SETMAR: variants seen among roughly 807,000 people sequenced by gnomAD.
SETMAR encodes SET and mariner transposase domain methyltransferase.
In SETMAR, 44 loss-of-function variants were observed where a neutral mutation model predicts 58.4. The observed-to-expected ratio is 0.75, with a 90% CI of 0.59 to 0.97. SETMAR has a LOEUF of 0.97. SETMAR is among the 50% of genes least tolerant of loss of function. SETMAR has a pLI of 0.00. For missense variants in SETMAR, 903 were observed against 840.2 expected, an observed-to-expected ratio of 1.07 and a Z score of -0.92; for synonymous variants, 332 against 307.4, an observed-to-expected ratio of 1.08 and a Z score of -0.84.
chr3:4,304,770 A>G (rs1218182300), intron 1 of SETMAR, among the ~76,000 whole-genome samples: 3 of 152,180 alleles, frequency 2.0e-5, no homozygotes, highest in Non-Finnish European at 4.4e-5. Context: ...ATCAAACTCT[A>G]AAATATTTGA....
chr3:4,303,825 C>G (rs1559211216), intron 1 of SETMAR: 1 of 1,362,952 alleles, frequency 7.3e-7, no homozygotes, highest in South Asian at 1.2e-5. Flanking sequence ...GGAGGCATCA[C>G]GGGGGGAGTC....
chr3:4,310,002 C>T (rs1457817291), intron 1 of SETMAR, among the ~76,000 whole-genome samples: 1 of 152,174 alleles, frequency 6.6e-6, no homozygotes, highest in Non-Finnish European at 1.5e-5. Context: ...TGATAATGCC[C>T]TATCACTCCT....
intron 1 of SETMAR, 118 bp from the exon 2 acceptor site, chr3:4,312,780 G>A: frequency 1.7e-6 from 2 of 1,203,008 alleles, no homozygotes; most frequent in East Asian, 2.4e-5. Context: ...TGTTTTGACA[G>A]TTTTGTCCTG....
chr3:4,316,672 C>G lies in SETMAR; in HGVS notation c.1481C>G (p.Thr494Arg). Residue 494 changes from threonine to arginine, a missense_variant, in exon 3 of 3, where the codon ACG becomes AGG. Thr to Arg is a moderately conservative substitution (Grantham distance 71, BLOSUM62 -1). Coordinates refer to ENST00000358065, the MANE Select transcript of SETMAR (RefSeq NM_006515.4). ...GAACCATTTCTCGATCGGATTGTGA[C>G]GTGTGATGAAAAGTGGATTTTATAT... Reference protein sequence around the residue: ...HNEPFLDRIVTCDEKWILYDN... With the variant: ...HNEPFLDRIVRCDEKWILYDN... 1 of 1,551,072 alleles carries G rather than the reference C, an allele frequency of 6.4e-7. No homozygotes were observed. The highest frequency in any genetic ancestry group is 8.7e-7 in the Non-Finnish European group (1 of 1,146,764).
intron 1 of SETMAR, among the ~76,000 whole-genome samples, chr3:4,310,593 C>G (rs1161309138): frequency 1.3e-5 from 2 of 152,148 alleles, no homozygotes; most frequent in Non-Finnish European, 2.9e-5. Flanking sequence ...TAGCTACTGT[C>G]TATAAGTCCC....
chr3:4,314,287 C>G (rs1482757002), intron 2 of SETMAR: 3 of 154,652 alleles, frequency 1.9e-5, no homozygotes, highest in African/African-American at 7.2e-5. Flanking sequence ...TGTAAGTTTT[C>G]TAGCACTAAC....
At chr3:4,313,880 T>C (rs763277172) in intron 2 of SETMAR, 119 bp downstream of exon 2, 81 of 1,519,286 alleles carry the variant, frequency 5.3e-5, no homozygotes, top group Non-Finnish European at 6.4e-5. Flanking sequence ...AGACTGCAAG[T>C]TGTCCATCAG....
In SETMAR at chr3:4,316,315, C is replaced by A; in HGVS notation, c.1124C>A (p.Ala375Glu). Residue 375 changes from alanine to glutamate, a missense_variant, in exon 3 of 3, where the codon GCA (alanine) becomes GAA (glutamate). Transcript: ENST00000358065. ...GAAACAACTCGCAACATCAACAATG[C>A]ATTTGGCCCAGGAACTGCTAACGAA... ...AAETTRNINN[A>E]FGPGTANERT... The A allele has an allele frequency of 8.5e-7, 1 of 1,172,566 alleles. No individual in the cohort carries two copies. The highest frequency in any genetic ancestry group is 1.2e-6 in the Non-Finnish European group (1 of 813,480). 72.6% of individuals were successfully genotyped at this position (1,172,566 alleles called of 1,614,324 possible).
In SETMAR at chr3:4,307,410, G is replaced by A. The variant is rs549716946; in HGVS notation, c.156+3884G>A. Among the ~76,000 whole-genome samples the A allele has an allele frequency of 1.0e-3, 159 of 152,242 alleles. 1 individual carries two copies. Among genetic ancestry groups the A allele is most frequent in the African/African-American group, 3.5e-3 (147 of 41,546 alleles). ...TTTTCCCTGAGACACGTATCTGTTAGAAAGGTAAGACCTACACATTTAACA... is the reference window on the plus strand; with the variant it reads ...TTTTCCCTGAGACACGTATCTGTTAAAAAGGTAAGACCTACACATTTAACA... On this transcript the variant is annotated intron_variant, in intron 1 of 2. Transcript: ENST00000358065.
In SETMAR at chr3:4,316,226, G is replaced by C. The variant is rs1407729389; in HGVS notation, c.1035G>C (p.Met345Ile). 11 of 712,158 alleles carry C rather than the reference G, an allele frequency of 1.5e-5. No homozygotes were observed. The allele number at this position is 712,158 out of a possible 1,614,324, so 44.1% of individuals were successfully genotyped here. ...GTTTATTTTAGACTATGAAAATGATGTTAGACAAAAAGCAAATTCGAGCAA... is the reference window on the plus strand; with the variant it reads ...GTTTATTTTAGACTATGAAAATGATCTTAGACAAAAAGCAAATTCGAGCAA... ...KRLTLETMKM[M>I]LDKKQIRAIF... Residue 345 changes from methionine (M) to isoleucine (I), a missense_variant, in exon 3 of 3, where the codon ATG becomes ATC. By Grantham distance (10) the Met-to-Ile change is conservative. Coordinates refer to ENST00000358065, the MANE Select transcript of SETMAR (RefSeq NM_006515.4).
At chr3:4,310,081 T>C (rs1698345561) in intron 1 of SETMAR, among the ~76,000 whole-genome samples, 1 of 152,224 alleles carries the variant, frequency 6.6e-6, no homozygotes, top group African/African-American at 2.4e-5. Context: ...GTGGTGTTTG[T>C]GTATCTAAAC....
intron 1 of SETMAR, among the ~76,000 whole-genome samples, chr3:4,310,608 G>C (rs1316949982): frequency 6.6e-6 from 1 of 152,060 alleles, no homozygotes; most frequent in African/African-American, 2.4e-5. Context: ...AGTCCCTGAA[G>C]GATTATAGCT....
At chr3:4,307,663 C>T (rs1398649004) in intron 1 of SETMAR, among the ~76,000 whole-genome samples, 5 of 152,124 alleles carry the variant, frequency 3.3e-5, no homozygotes, top group Non-Finnish European at 5.9e-5. Flanking sequence ...TGCATTTATT[C>T]CTAGCTCTTG....
Position 4,316,517 on chromosome 3 carries a change from G to A in SETMAR, c.1326G>A (p.Thr442=), listed in dbSNP as rs573262123. ...AAGAACTCAATGTCAACCATTCTAC[G>A]GTCGTTCGACATTTGAAGCAAATTG... ...VAEELNVNHS[T]VVRHLKQIGK... is the part of the protein sequence containing the mutation. Residue 442 remains threonine (T), a synonymous_variant, in exon 3 of 3, where the codon ACG becomes ACA. Transcript: ENST00000358065. 3.5e-5 allele frequency: 55 copies of A among 1,588,784 alleles called. No homozygotes were observed. Among genetic ancestry groups the A allele is most frequent in the South Asian group, 2.0e-4 (17 of 87,000 alleles).
At chr3:4,307,242 A>G (rs904533560) in intron 1 of SETMAR, among the ~76,000 whole-genome samples, 1 of 152,216 alleles carries the variant, frequency 6.6e-6, no homozygotes, top group African/African-American at 2.4e-5. Context: ...TGATTCAGAA[A>G]AGTCAAACTT....
At chr3:4,304,393 CGGCCTCCCAAAAT>C (rs1698097679) in intron 1 of SETMAR, among the ~76,000 whole-genome samples, 1 of 152,124 alleles carries the variant, frequency 6.6e-6, no homozygotes, top group Non-Finnish European at 1.5e-5. Flanking sequence ...CCGCCCGCCT[CGGCCTCCCAAAAT>C]GCTGGGATTA....
chr3:4,312,012 A>G (rs149560609), intron 1 of SETMAR, among the ~76,000 whole-genome samples: 435 of 152,316 alleles, frequency 2.9e-3, no homozygotes, highest in African/African-American at 0.01. Context: ...ACATTTTACA[A>G]ATGTAATGTT....
At chr3:4,305,519 A>G (rs547191397) in intron 1 of SETMAR, among the ~76,000 whole-genome samples, 21 of 152,322 alleles carry the variant, frequency 1.4e-4, no homozygotes, top group African/African-American at 4.3e-4. Context: ...TTGTGGAAAG[A>G]AAGAAAAAGA....
rs896547454 is a variant in SETMAR at position 4,303,750 on chromosome 3, G to A, written c.156+224G>A. On this transcript the variant is annotated intron_variant, in intron 1 of 2. Transcript: ENST00000358065. ...TGTTGTCCTTTTCAGTCCATTCCCT[G>A]AAGCGCAGAACCGGAGGCCTTGTGA... 1.9e-5 allele frequency: 28 copies of A among 1,481,522 alleles called. No individual in the cohort carries two copies. In the African/African-American group the frequency reaches 3.7e-4, roughly 19 times the overall value. 91.8% of individuals were successfully genotyped at this position (1,481,522 alleles called of 1,614,324 possible).
Sources: gnomAD v4.1 joint callset for allele counts (sites outside exome capture counted in the v4.1 genomes callset) on GRCh38, gnomAD v4.1.1 for gene constraint, MANE v1.5 for transcripts, NCBI Gene and HGNC (gene_info 2026-07-23, HGNC 2026-07-21) for gene names.